The following PLCG1 variants were observed in gnomAD, a reference collection of about 807,000 sequenced individuals.
The protein encoded by PLCG1 is 1-phosphatidylinositol 4,5-bisphosphate phosphodiesterase gamma-1.
In PLCG1, 71 loss-of-function variants were observed where a neutral mutation model predicts 177.8. The ratio of observed to expected loss-of-function variants is 0.40; its 90% CI spans 0.33 to 0.49. PLCG1 has a LOEUF of 0.49. Among genes scored for constraint, PLCG1 ranks in the 20% least tolerant of loss-of-function variants. The pLI, the probability that PLCG1 is intolerant of heterozygous loss-of-function variation, is 0.72. For synonymous variants in PLCG1, 658 were observed against 647.9 expected (o/e 1.02, Z -0.24); for missense variants, 1,281 against 1,709.0 (o/e 0.75, Z 4.42).
chr20:41,161,506 G>A (rs945030251), intron 4 of PLCG1, among the ~76,000 whole-genome samples: 2 of 152,142 alleles, frequency 1.3e-5, no homozygotes, highest in African/African-American at 4.8e-5. Context: ...GCAGGCAGTT[G>A]CAACCAGAAG....
chr20:41,147,015 C>T lies in PLCG1; in HGVS notation c.217+9157C>T, dbSNP rs565782960. 1.2e-4 allele frequency among the ~76,000 whole-genome samples: 18 copies of T among 152,202 alleles called. No individual in the cohort carries two copies. The highest frequency in any genetic ancestry group is 8.5e-4 in the Admixed American group (13 of 15,276). On this transcript the variant is annotated intron_variant, in intron 1 of 31. Coordinates refer to ENST00000685551, the MANE Select transcript of PLCG1 (RefSeq NM_002660.3). This position sits in a 1 kb window ranked among gnomAD's most constrained non-coding sequence, Gnocchi z 4.0. Reference sequence around the variant, plus strand: ...TTCCCTCAGTTGGGAGGTTGGGCAGCGATGGGGGCAGGGGTGATGGTCCTT... The same window carrying T: ...TTCCCTCAGTTGGGAGGTTGGGCAGTGATGGGGGCAGGGGTGATGGTCCTT...
chr20:41,174,718 G>A lies in PLCG1; in HGVS notation c.*209G>A, dbSNP rs1444300475. 3.4e-6 allele frequency: 2 copies of A among 591,010 alleles called. No homozygotes were observed. The highest frequency in any genetic ancestry group is 6.1e-6 in the Non-Finnish European group (2 of 329,712). The allele number at this position is 591,010 out of a possible 1,614,324, so 36.6% of individuals were successfully genotyped here. ...CTCCATGCCCCAGCTCTGGATGAAG[G>A]CAAAAACTGTACTGTGTTTCGCATT... On this transcript the variant is annotated 3_prime_UTR_variant, in exon 32 of 32. Transcript: ENST00000685551. The surrounding 1 kb of genome is among the most constrained non-coding windows in gnomAD (Gnocchi z 5.8).
chr20:41,169,072 C>T lies in PLCG1; in HGVS notation c.2484-7C>T, dbSNP rs931272568. 5 of 1,605,776 alleles carry T rather than the reference C, an allele frequency of 3.1e-6. No homozygotes were observed. Among genetic ancestry groups the T allele is most frequent in the Non-Finnish European group, 3.4e-6 (4 of 1,172,362 alleles). On this transcript the variant is annotated splice_region_variant and splice_polypyrimidine_tract_variant and intron_variant, in intron 21 of 31. Transcript: ENST00000685551. ...TGCTGGAGGTCAGCACCCTGTGGCT[C>T]CCACAGGTGGCGAGGGGACTACGGA... is the stretch of plus-strand genomic sequence containing the variant.
Position 41,147,590 on chromosome 20 carries a change from C to T in PLCG1, c.217+9732C>T, listed in dbSNP as rs1482178610. ...GCTGGGCTGGGCACGGTGGCTCACG[C>T]CTGTAATCCCAGCACTTTGGGAGGC... On this transcript the variant is annotated intron_variant, in intron 1 of 31. Coordinates refer to ENST00000685551, the MANE Select transcript of PLCG1 (RefSeq NM_002660.3). The surrounding 1 kb of genome is among the most constrained non-coding windows in gnomAD (Gnocchi z 4.0). 1.3e-5 allele frequency among the ~76,000 whole-genome samples: 2 copies of T among 152,152 alleles called. No individual in the cohort carries two copies. The highest frequency in any genetic ancestry group is 3.9e-4 in the East Asian group (2 of 5,192).
chr20:41,155,049 G>A (rs1005117452), intron 1 of PLCG1, among the ~76,000 whole-genome samples: 1 of 152,248 alleles, frequency 6.6e-6, no homozygotes, highest in African/African-American at 2.4e-5. Context: ...CTCAGGCCAG[G>A]AGTCTGTCCC....
chr20:41,143,129 A>G (rs576709789), intron 1 of PLCG1, among the ~76,000 whole-genome samples: 2 of 152,266 alleles, frequency 1.3e-5, no homozygotes, highest in African/African-American at 4.8e-5. Context: ...TGAAGGTATG[A>G]TATTGTCCTA....
At position 41,153,629 on chromosome 20, in the gene PLCG1, G is replaced by T. The variant is rs551532290; in HGVS notation, c.218-5977G>T. Among the ~76,000 whole-genome samples, 16 of 152,296 alleles carry T rather than the reference G, an allele frequency of 1.1e-4. No individual in the cohort carries two copies. Among genetic ancestry groups the T allele is most frequent in the Non-Finnish European group, 1.6e-4 (11 of 68,016 alleles). The stretch of plus-strand genomic sequence containing the variant: ...GAAATATTTCAGACAGGGCATGGTT[G>T]CTCATGCTTCTAATCCCAGCACTTT... On this transcript the variant is annotated intron_variant, in intron 1 of 31. Transcript: ENST00000685551. The surrounding 1 kb of genome is among the most constrained non-coding windows in gnomAD (Gnocchi z 5.1).
rs1055648557 is a variant in PLCG1 at position 41,156,985 on chromosome 20, T to A, written c.218-2621T>A. On this transcript the variant is annotated intron_variant, in intron 1 of 31. Transcript: ENST00000685551. The surrounding 1 kb of genome is among the most constrained non-coding windows in gnomAD (Gnocchi z 5.0). ...TGGGAGGTAGCACAGGATGTGGCTT[T>A]CAAGAACCTAGTAGAGCATCTCACT... Among the ~76,000 whole-genome samples the A allele has an allele frequency of 6.6e-6, 1 of 152,222 alleles. No individual in the cohort carries two copies. The highest frequency in any genetic ancestry group is 6.5e-5 in the Admixed American group (1 of 15,280).
Position 41,159,542 on chromosome 20 carries a change from C to G in PLCG1, c.218-64C>G, listed in dbSNP as rs909630720. The G allele has an allele frequency of 1.3e-6, 2 of 1,557,094 alleles. No individual in the cohort carries two copies. The highest frequency in any genetic ancestry group is 3.5e-5 in the Admixed American group (2 of 56,730). The stretch of plus-strand genomic sequence containing the variant: ...TGTAAGAATGAGGAAACCAGGCTGC[C>G]CTCCTTTCGGTGTTGACTCTGGGAG... On this transcript the variant is annotated intron_variant, in intron 1 of 31. Transcript: ENST00000685551. The surrounding 1 kb of genome is among the most constrained non-coding windows in gnomAD (Gnocchi z 6.0).
At position 41,150,847 on chromosome 20, in the gene PLCG1, C is replaced by T. The variant is rs779019119; in HGVS notation, c.218-8759C>T. On this transcript the variant is annotated intron_variant, in intron 1 of 31. Transcript: ENST00000685551. This position sits in a 1 kb window ranked among gnomAD's most constrained non-coding sequence, Gnocchi z 4.0. The stretch of plus-strand genomic sequence containing the variant: ...ACACACTCAGCTCCACAGACACCTC[C>T]CTGTTGTTCTACTCGTTGCATGACC... Among the ~76,000 whole-genome samples, 17 of 152,182 alleles carry T rather than the reference C, an allele frequency of 1.1e-4. No homozygotes were observed. The highest frequency in any genetic ancestry group is 2.1e-4 in the Non-Finnish European group (14 of 68,034).
In PLCG1 at chr20:41,164,151, G is replaced by T. The variant is rs1241801241; in HGVS notation, c.1167G>T (p.Lys389Asn). 6.2e-7 allele frequency: 1 copy of T among 1,614,032 alleles called. No homozygotes were observed. The highest frequency in any genetic ancestry group is 8.5e-7 in the Non-Finnish European group (1 of 1,180,024). ...YHGHTLTTKI[K>N]FSDVLHTIKE... The stretch of plus-strand genomic sequence containing the variant: ...GGCACACCCTTACCACCAAGATCAA[G>T]TTCTCAGATGTCCTGCACACCATCA... The change falls in exon 12 of 32, where the codon AAG becomes AAT. Residue 389 changes from lysine to asparagine, a missense_variant. Lys to Asn is a moderately conservative substitution (Grantham distance 94). Around this residue, in one of 4 missense-constraint regions of PLCG1, gnomAD observed 723 missense variants for 1,030.0 expected, o/e 0.70. Transcript: ENST00000685551. The surrounding 1 kb of genome is among the most constrained non-coding windows in gnomAD (Gnocchi z 6.4).
Position 41,165,998 on chromosome 20 carries a change from C to CG in PLCG1, c.1799+172_1799+173insG, listed in dbSNP as rs1035891520. 80 of 686,548 alleles carry CG rather than the reference C, an allele frequency of 1.2e-4. No homozygotes were observed. The highest frequency in any genetic ancestry group is 7.8e-4 in the Middle Eastern group (2 of 2,580). 42.5% of individuals were successfully genotyped at this position (686,548 alleles called of 1,614,324 possible). A position where few individuals can be genotyped will look rare whatever the true frequency, so the allele number is the denominator to read the frequency against. ...CACACACTCTCTGTCTCACCCCCCC[C>CG]CCATACCCCTCCCTTTTCGGTTCAT... is the stretch of plus-strand genomic sequence containing the variant. On this transcript the variant is annotated intron_variant, in intron 16 of 31. Transcript: ENST00000685551. The surrounding 1 kb of genome is among the most constrained non-coding windows in gnomAD (Gnocchi z 6.6).
Position 41,172,319 on chromosome 20 carries a change from A to C in PLCG1, c.2905+30A>C. On this transcript the variant is annotated intron_variant, in intron 25 of 31. Transcript: ENST00000685551. The surrounding 1 kb of genome is among the most constrained non-coding windows in gnomAD (Gnocchi z 7.0). ...GGGCCAGGGCCCAGGCGGGGTGTGC[A>C]TGTGCCTGGAGGGCCTGGTGGGTGC... The C allele has an allele frequency of 6.3e-7, 1 of 1,587,448 alleles. No homozygotes were observed. The highest frequency in any genetic ancestry group is 8.7e-7 in the Non-Finnish European group (1 of 1,155,542).
Position 41,160,035 on chromosome 20 carries a change from G to A in PLCG1, c.465-71G>A. The A allele has an allele frequency of 1.2e-6, 2 of 1,601,900 alleles. No individual in the cohort carries two copies. Among genetic ancestry groups the A allele is most frequent in the South Asian group, 1.1e-5 (1 of 90,850 alleles). The stretch of plus-strand genomic sequence containing the variant: ...AGGGGGACAGGGACAGCAGACCTTT[G>A]TGTGCCCAGACATCTCCCAGGCCTG... On this transcript the variant is annotated intron_variant, in intron 3 of 31. Coordinates refer to ENST00000685551, the MANE Select transcript of PLCG1 (RefSeq NM_002660.3). This position sits in a 1 kb window ranked among gnomAD's most constrained non-coding sequence, Gnocchi z 5.5.
intron 5 of PLCG1, 44 bp from the exon 6 acceptor site, chr20:41,162,598 G>C: frequency 6.2e-7 from 1 of 1,608,240 alleles, no homozygotes; most frequent in Non-Finnish European, 8.5e-7. Flanking sequence ...CCTTCAGCTG[G>C]GGGCCTGACT....
chr20:41,169,837 T>G (rs536198730), intron 23 of PLCG1, among the ~76,000 whole-genome samples: 2 of 152,210 alleles, frequency 1.3e-5, no homozygotes, highest in East Asian at 3.9e-4. Context: ...GACAGAGGCT[T>G]GGAGATGGGG....
rs1331961242 is a variant in PLCG1, at chr20:41,176,216, A to G, written c.*1707A>G. On this transcript the variant is annotated 3_prime_UTR_variant, in exon 32 of 32. Transcript: ENST00000685551. ...AAAAATGACGCCACACAAAAAATTT[A>G]AGATAGATCCGGTTCCGTGGATGAC... 6.6e-6 allele frequency: 1 copy of G among 152,178 alleles called. No individual in the cohort carries two copies. The highest frequency in any genetic ancestry group is 1.5e-5 in the Non-Finnish European group (1 of 68,032). 9.4% of individuals were successfully genotyped at this position (152,178 alleles called of 1,614,324 possible). A position where few individuals can be genotyped will look rare whatever the true frequency, so the allele number is the denominator to read the frequency against.
chr20:41,144,539 TG>T lies in PLCG1; in HGVS notation c.217+6686del, dbSNP rs1371886652. Among the ~76,000 whole-genome samples the T allele has an allele frequency of 6.6e-6, 1 of 152,070 alleles. No homozygotes were observed. The stretch of plus-strand genomic sequence containing the variant: ...CATGGGGGTGAATGTAGCCGCTGAT[TG>T]GGGGTGGGACACAGAAGAGCCTCAC... On this transcript the variant is annotated intron_variant, in intron 1 of 31. Coordinates refer to ENST00000685551, the MANE Select transcript of PLCG1 (RefSeq NM_002660.3). This position sits in a 1 kb window ranked among gnomAD's most constrained non-coding sequence, Gnocchi z 4.1.
rs1476051192 is a variant in PLCG1 at position 41,177,611 on chromosome 20, A to C, written c.*3102A>C. ...ATCATGCCTTCTTCACATTTTAATT[A>C]AATGGATCAAGCACAGTCTCAGACT... is the stretch of plus-strand genomic sequence containing the variant. On this transcript the variant is annotated 3_prime_UTR_variant, in exon 32 of 32. Coordinates refer to ENST00000685551, the MANE Select transcript of PLCG1 (RefSeq NM_002660.3). The C allele has an allele frequency of 6.6e-6, 1 of 152,220 alleles. No individual in the cohort carries two copies. Among genetic ancestry groups the C allele is most frequent in the Non-Finnish European group, 1.5e-5 (1 of 68,032 alleles). The allele number at this position is 152,220 out of a possible 1,614,324, so 9.4% of individuals were successfully genotyped here.
Sources: gnomAD v4.1 joint callset for allele counts (sites outside exome capture counted in the v4.1 genomes callset) on GRCh38, gnomAD v4.1.1 for gene constraint, gnomAD v4.1.1 regional missense constraint, Gnocchi (gnomAD v3.1) non-coding constraint, MANE v1.5 for transcripts, NCBI Gene and HGNC (gene_info 2026-07-23, HGNC 2026-07-21) for gene names.